Variants in DIP2C observed in about 807,000 individuals in gnomAD.
The protein encoded by DIP2C is disco-interacting protein 2 homolog C.
DIP2C carries 33 observed loss-of-function variants against 192.4 expected under a neutral mutation model. The ratio of observed to expected loss-of-function variants is 0.17; its 90% confidence interval spans 0.13 to 0.23. The LOEUF (loss-of-function observed/expected upper bound fraction) is 0.23. Ranked by LOEUF, DIP2C falls within the 10% of genes least tolerant of loss-of-function variation. The pLI, the probability that DIP2C is intolerant of heterozygous loss-of-function variation, is 1.00. For synonymous variants in DIP2C, 979 were observed against 864.1 expected (o/e 1.13, Z -2.33); for missense variants, 1,537 against 2,110.1 (o/e 0.73, Z 5.32).
intron 1 of DIP2C, among the ~76,000 whole-genome samples, chr10:661,749 G>A (rs943029068): frequency 3.3e-5 from 5 of 152,132 alleles, no homozygotes; most frequent in African/African-American, 9.7e-5. Context: ...CTTCTATGTA[G>A]GAGGCTCCCA....
intron 2 of DIP2C, among the ~76,000 whole-genome samples, chr10:482,912 C>A (rs1564771651): frequency 6.6e-6 from 1 of 152,218 alleles, no homozygotes; most frequent in African/African-American, 2.4e-5. Context: ...CTTCCCTAAG[C>A]AGCGTCTTCT....
chr10:657,928 G>A (rs1856487306), intron 1 of DIP2C, among the ~76,000 whole-genome samples: 1 of 151,432 alleles, frequency 6.6e-6, no homozygotes, highest in Non-Finnish European at 1.5e-5. Flanking sequence ...CCTGTCCCTG[G>A]ACCTGCCCCT....
Position 392,896 on chromosome 10 carries a change from A to T in DIP2C, c.1261-2033T>A, listed in dbSNP as rs141283694. On this transcript the variant is annotated intron_variant, in intron 10 of 36. Transcript: ENST00000280886. The stretch of plus-strand genomic sequence containing the variant: ...TCAACACTCACACACACGTGCCCAC[A>T]CACAGGCGCGCACACACACTCAACA... 0.021 allele frequency among the ~76,000 whole-genome samples: 8 copies of T among 386 alleles called. No homozygotes were observed. In the South Asian group the frequency reaches 0.36, roughly 18 times the overall value. 0.3% of individuals were successfully genotyped at this position (386 alleles called of 152,430 possible).
At chr10:535,713 G>T (rs1200734598) in intron 1 of DIP2C, among the ~76,000 whole-genome samples, 1 of 152,078 alleles carries the variant, frequency 6.6e-6, no homozygotes, top group East Asian at 1.9e-4. Flanking sequence ...CTGTATGTGG[G>T]CTATGGCAGT....
intron 17 of DIP2C, among the ~76,000 whole-genome samples, chr10:371,714 GAGCT>G (rs1960985714): frequency 6.0e-5 from 7 of 116,124 alleles, no homozygotes; most frequent in South Asian, 2.8e-4. Flanking sequence ...GGCCTGGGCT[GAGCT>G]GAGCAGCACC....
intron 31 of DIP2C, among the ~76,000 whole-genome samples, chr10:326,123 G>C (rs1161777255): frequency 6.6e-6 from 1 of 152,138 alleles, no homozygotes; most frequent in Non-Finnish European, 1.5e-5. Flanking sequence ...GGGGGCAGGG[G>C]GTTGAGGCTG....
At chr10:628,377 A>T (rs904492284) in intron 1 of DIP2C, among the ~76,000 whole-genome samples, 1 of 152,216 alleles carries the variant, frequency 6.6e-6, no homozygotes, top group Non-Finnish European at 1.5e-5. Flanking sequence ...CCAATTACTT[A>T]AAAAATACCC....
chr10:644,065 AAAAAG>A (rs1295663642), intron 1 of DIP2C, among the ~76,000 whole-genome samples: 7 of 152,382 alleles, frequency 4.6e-5, no homozygotes, highest in Non-Finnish European at 8.8e-5. Context: ...CGGCTGTTTT[AAAAAG>A]ATGAAACAAT....
intron 1 of DIP2C, among the ~76,000 whole-genome samples, chr10:585,555 C>T (rs1184513019): frequency 6.6e-6 from 1 of 152,210 alleles, no homozygotes; most frequent in African/African-American, 2.4e-5. Flanking sequence ...CAACACTCAA[C>T]TGAAGCGGGG....
At chr10:598,401 G>A (rs938152366) in intron 1 of DIP2C, among the ~76,000 whole-genome samples, 3 of 152,204 alleles carry the variant, frequency 2.0e-5, no homozygotes, top group African/African-American at 2.4e-5. Flanking sequence ...ATCACAACAT[G>A]GACATTCCCT....
At chr10:566,031 G>A (rs186629124) in intron 1 of DIP2C, among the ~76,000 whole-genome samples, 7 of 152,234 alleles carry the variant, frequency 4.6e-5, no homozygotes, top group Non-Finnish European at 8.8e-5. Flanking sequence ...GACAGAGAGG[G>A]GCGGATTCCA....
chr10:664,447 A>C (rs1856966059), intron 1 of DIP2C: 1 of 152,234 alleles, frequency 6.6e-6, no homozygotes, highest in South Asian at 2.1e-4. Flanking sequence ...CCCCAGCGGG[A>C]CCCAGGAAAG....
At chr10:291,024 G>C (rs1195834170) in intron 32 of DIP2C, among the ~76,000 whole-genome samples, 5 of 151,432 alleles carry the variant, frequency 3.3e-5, no homozygotes. Flanking sequence ...GCCAGGCAGG[G>C]CCCAGGCTGT....
At chr10:349,018 T>G (rs1958658082) in intron 25 of DIP2C, among the ~76,000 whole-genome samples, 1 of 152,248 alleles carries the variant, frequency 6.6e-6, no homozygotes, top group African/African-American at 2.4e-5. Context: ...TACCCACCTT[T>G]GTAACTGTGA....
At chr10:327,275 A>G in intron 30 of DIP2C, 99 bp from the exon 31 acceptor site, 1 of 1,382,024 alleles carries the variant, frequency 7.2e-7, no homozygotes, top group African/African-American at 1.5e-5. Flanking sequence ...ACATTGGAAA[A>G]CTCAACACAG....
intron 1 of DIP2C, among the ~76,000 whole-genome samples, chr10:593,575 G>A (rs1418417739): frequency 6.9e-6 from 1 of 144,922 alleles, no homozygotes; most frequent in African/African-American, 2.6e-5. Flanking sequence ...TCCAGCAGAG[G>A]CAGGGGCCCT....
At chr10:337,536 G>T (rs998653979) in intron 29 of DIP2C, among the ~76,000 whole-genome samples, 1 of 143,008 alleles carries the variant, frequency 7.0e-6, no homozygotes, top group South Asian at 2.3e-4. Flanking sequence ...CGTGTGTGTT[G>T]TAGAGGCCTA....
chr10:645,541 G>C (rs1208909225), intron 1 of DIP2C, among the ~76,000 whole-genome samples: 2 of 152,168 alleles, frequency 1.3e-5, no homozygotes, highest in African/African-American at 4.8e-5. Context: ...AAGAGACCAA[G>C]AGAATGTATA....
At chr10:642,430 G>A (rs1855239436) in intron 1 of DIP2C, among the ~76,000 whole-genome samples, 1 of 152,234 alleles carries the variant, frequency 6.6e-6, no homozygotes, top group African/African-American at 2.4e-5. Context: ...CCAGAGGGAG[G>A]AGCCACACGG....
Sources: gnomAD v4.1 joint callset for allele counts (sites outside exome capture counted in the v4.1 genomes callset) on GRCh38, gnomAD v4.1.1 for gene constraint, MANE v1.5 for transcripts, NCBI Gene and HGNC (gene_info 2026-07-23, HGNC 2026-07-21) for gene names.